The following SH3TC1 variants were observed in gnomAD, a reference collection of about 807,000 sequenced individuals.
The protein encoded by SH3TC1 is SH3 domain and tetratricopeptide repeats 1.
A neutral mutation model predicts 117.3 loss-of-function variants in SH3TC1; 135 were observed. That is an observed-to-expected ratio of 1.15 (90% CI 1.00 to 1.33). The LOEUF (loss-of-function observed/expected upper bound fraction) is 1.33, where lower values mean the gene tolerates loss of function less well. SH3TC1 is among the 40% of genes most tolerant of loss of function. The probability of loss-of-function intolerance (pLI) is 0.00; values close to 1 mark genes in which losing one functional copy is unlikely to be tolerated. For missense variants in SH3TC1, 2,092 were observed against 1,794.3 expected (o/e 1.17, Z -3.00); for synonymous variants, 898 against 816.9 (o/e 1.10, Z -1.69).
Position 8,209,422 on chromosome 4 carries a change from G to C in SH3TC1, c.173-326G>C, listed in dbSNP as rs1344148508. Among the ~76,000 whole-genome samples the C allele has an allele frequency of 1.3e-5, 2 of 152,188 alleles. No homozygotes were observed. The highest frequency in any genetic ancestry group is 2.9e-5 in the Non-Finnish European group (2 of 68,026). On this transcript the variant is annotated intron_variant, in intron 2 of 17. Transcript: ENST00000245105. This position sits in a 1 kb window ranked among gnomAD's most constrained non-coding sequence, Gnocchi z 5.9. ...AGGCGAGGAGTGGATTCTCCCCAGA[G>C]CCCCTGGGAGGAACAGGGCCCTGTC...
rs1382436888 is a variant in SH3TC1 at position 8,192,974 on chromosome 4, G to A, written c.-57+10764G>A. 1.3e-5 allele frequency among the ~76,000 whole-genome samples: 2 copies of A among 152,224 alleles called. No individual in the cohort carries two copies. Among genetic ancestry groups the A allele is most frequent in the Non-Finnish European group, 2.9e-5 (2 of 68,040 alleles). On this transcript the variant is annotated intron_variant, in intron 1 of 16. Coordinates refer to the SH3TC1 transcript ENST00000508641. The surrounding 1 kb of genome is among the most constrained non-coding windows in gnomAD (Gnocchi z 4.1). ...TGTTTCACAGCACAAGACAGCCTCA[G>A]CTCTGTGGTCCACAAACCACATGAC...
Position 8,227,808 on chromosome 4 carries a change from G to A in SH3TC1, c.2114G>A (p.Trp705Ter), listed in dbSNP as rs1204498720. 3 of 1,612,788 alleles carry A rather than the reference G, an allele frequency of 1.9e-6. No homozygotes were observed. Among genetic ancestry groups the A allele is most frequent in the East Asian group, 2.2e-5 (1 of 44,882 alleles). Reference protein sequence around the residue: ...HRDSGAPEAAWLSDCYLLLAD... With the variant: ...HRDSGAPEAA ...GACTCGGGAGCCCCAGAGGCCGCGT[G>A]GCTCTCAGACTGCTACCTACTCCTG... The change falls in exon 12 of 18, where the codon TGG becomes TAG. Residue 705 changes from tryptophan (W) to a stop codon, truncating the protein, a stop_gained. Coordinates refer to ENST00000245105, the MANE Select transcript of SH3TC1 (RefSeq NM_018986.5). LOFTEE classifies it high-confidence loss of function.
At position 8,206,800 on chromosome 4, in the gene SH3TC1, G is replaced by A. The variant is rs1338852804; in HGVS notation, c.172+1434G>A. 6.6e-6 allele frequency among the ~76,000 whole-genome samples: 1 copy of A among 151,532 alleles called. No individual in the cohort carries two copies. The highest frequency in any genetic ancestry group is 1.5e-5 in the Non-Finnish European group (1 of 67,938). On this transcript the variant is annotated intron_variant, in intron 2 of 17. Coordinates refer to ENST00000245105, the MANE Select transcript of SH3TC1 (RefSeq NM_018986.5). The surrounding 1 kb of genome is among the most constrained non-coding windows in gnomAD (Gnocchi z 5.5). ...CCATACCCAGGTTCCCTGAATGTTC[G>A]CATTTTAGGACTTTTACTTTGTGTG... is the stretch of plus-strand genomic sequence containing the variant.
intron 10 of SH3TC1, among the ~76,000 whole-genome samples, chr4:8,223,338 G>T (rs1006661116): frequency 6.6e-6 from 1 of 152,250 alleles, no homozygotes; most frequent in African/African-American, 2.4e-5. Context: ...ACTGCACTTT[G>T]CCTGGGTGAG....
intron 3 of SH3TC1, 73 bp from the exon 4 acceptor site, chr4:8,212,627 AG>A (rs1718846891): frequency 6.3e-7 from 1 of 1,597,444 alleles, no homozygotes; most frequent in South Asian, 1.1e-5. Context: ...GGAGGCTGGC[AG>A]GTGGAGTACA....
intron 10 of SH3TC1, among the ~76,000 whole-genome samples, chr4:8,224,216 T>C (rs1225383287): frequency 6.6e-6 from 1 of 152,200 alleles, no homozygotes; most frequent in African/African-American, 2.4e-5. Context: ...AACAGATACA[T>C]TTCCACACAC....
In SH3TC1 at chr4:8,233,729, ATTCACCTGT is replaced by A. The variant is rs1437549881; in HGVS notation, c.3282+218_3282+226del. 6.8e-5 allele frequency among the ~76,000 whole-genome samples: 10 copies of A among 146,106 alleles called. No individual in the cohort carries two copies. The East Asian group carries it at 1.6e-3, about 24-fold the overall frequency. ...CCATCCATCCTTCCATTATCCATCC[ATTCACCTGT>A]TCATCCATCCATCCATCCATCATCC... On this transcript the variant is annotated intron_variant, in intron 14 of 17. Coordinates refer to ENST00000245105, the MANE Select transcript of SH3TC1 (RefSeq NM_018986.5).
rs761571031 is a variant in SH3TC1, at chr4:8,228,561, G to A, written c.2867G>A (p.Cys956Tyr). Residue 956 changes from cysteine to tyrosine, a missense_variant, in exon 12 of 18, where the codon TGC (cysteine) becomes TAC (tyrosine). By Grantham distance (194) the Cys-to-Tyr change is radical. Transcript: ENST00000245105. ...GTGCTCCTGCAGCTGGGCCATCTCT[G>A]CACCCGCCAGGGCCCGGCCCAGCAG... ...THVLLQLGHL[C>Y]TRQGPAQQGK... 6.2e-7 allele frequency: 1 copy of A among 1,603,518 alleles called. No individual in the cohort carries two copies. Among genetic ancestry groups the A allele is most frequent in the Non-Finnish European group, 8.5e-7 (1 of 1,175,768 alleles).
intron 15 of SH3TC1, 157 bp downstream of exon 15, chr4:8,235,712 G>C: frequency 2.8e-6 from 3 of 1,073,280 alleles, no homozygotes; most frequent in Non-Finnish European, 2.6e-6. Context: ...GATATTGACT[G>C]TGCCCCCCGC....
chr4:8,228,450 G>T lies in SH3TC1; in HGVS notation c.2756G>T (p.Ser919Ile). Residue 919 changes from serine (S) to isoleucine (I), a missense_variant, in exon 12 of 18, where the codon AGC (serine) becomes ATC (isoleucine). Coordinates refer to ENST00000245105, the MANE Select transcript of SH3TC1 (RefSeq NM_018986.5). ...FGALCLHAGA[S>I]RLAQHYLLEA... Reference sequence around the variant, plus strand: ...GCCCTGTGCCTGCATGCGGGTGCCAGCAGGCTGGCCCAGCACTACCTCCTG... The same window carrying T: ...GCCCTGTGCCTGCATGCGGGTGCCATCAGGCTGGCCCAGCACTACCTCCTG... 6.2e-7 allele frequency: 1 copy of T among 1,604,854 alleles called. No homozygotes were observed. The highest frequency in any genetic ancestry group is 8.5e-7 in the Non-Finnish European group (1 of 1,175,674).
rs533952104 is a variant in SH3TC1, at chr4:8,210,491, G to T, written c.247+669G>T. Reference sequence around the variant, plus strand: ...CGTTATTTAGAATTTGAAAATGCAGGCTGGGCGCGGTGGCTCACGCCTGTA... The same window carrying T: ...CGTTATTTAGAATTTGAAAATGCAGTCTGGGCGCGGTGGCTCACGCCTGTA... On this transcript the variant is annotated intron_variant, in intron 3 of 17. Coordinates refer to ENST00000245105, the MANE Select transcript of SH3TC1 (RefSeq NM_018986.5). The surrounding 1 kb of genome is among the most constrained non-coding windows in gnomAD (Gnocchi z 4.1). Among the ~76,000 whole-genome samples, 2 of 152,212 alleles carry T rather than the reference G, an allele frequency of 1.3e-5. No individual in the cohort carries two copies. Among genetic ancestry groups the T allele is most frequent in the Admixed American group, 1.3e-4 (2 of 15,286 alleles).
chr4:8,228,010 G>T lies in SH3TC1; in HGVS notation c.2316G>T (p.Ala772=), dbSNP rs372151369. The T allele has an allele frequency of 1.9e-5, 30 of 1,611,696 alleles. No individual in the cohort carries two copies. The highest frequency in any genetic ancestry group is 2.5e-5 in the Non-Finnish European group (30 of 1,179,348). Residue 772 remains alanine, a synonymous_variant, in exon 12 of 18, where the codon GCG becomes GCT. Transcript: ENST00000245105. ...AAACTTCCCACTACCTCAGGCAAGC[G>T]CTGGCCTCCCTGACCCCGGGCACAG... ...PAQTSHYLRQ[A]LASLTPGTGQ...
At chr4:8,188,348 G>A (rs1018714710) in intron 1 of SH3TC1, among the ~76,000 whole-genome samples, 6 of 152,218 alleles carry the variant, frequency 3.9e-5, no homozygotes, top group Non-Finnish European at 1.5e-5. Context: ...CCAGCATCGG[G>A]CAGGCAGGTT....
At chr4:8,215,374 C>T (rs999028096) in intron 5 of SH3TC1, 5 of 405,336 alleles carry the variant, frequency 1.2e-5, no homozygotes, top group African/African-American at 1.0e-4. Context: ...ATTGTAGCCA[C>T]AATTCCCCAA....
In SH3TC1 at chr4:8,210,042, T is replaced by C. The variant is rs1030213029; in HGVS notation, c.247+220T>C. ...CCTGGGGCTCCCCTAGGCATCCCTG[T>C]GTGCACCTGCACAAACGGCAGACAC... is the stretch of plus-strand genomic sequence containing the variant. On this transcript the variant is annotated intron_variant, in intron 3 of 17. Coordinates refer to ENST00000245105, the MANE Select transcript of SH3TC1 (RefSeq NM_018986.5). The surrounding 1 kb of genome is among the most constrained non-coding windows in gnomAD (Gnocchi z 4.1). Among the ~76,000 whole-genome samples the C allele has an allele frequency of 6.6e-6, 1 of 152,202 alleles. No homozygotes were observed. The highest frequency in any genetic ancestry group is 1.5e-5 in the Non-Finnish European group (1 of 68,032).
In SH3TC1 at chr4:8,233,465, G is replaced by T. The variant is rs1432445164; in HGVS notation, c.3234G>T (p.Lys1078Asn). 2.5e-6 allele frequency: 4 copies of T among 1,613,920 alleles called. No homozygotes were observed. Among genetic ancestry groups the T allele is most frequent in the South Asian group, 1.1e-5 (1 of 91,026 alleles). Residue 1078 changes from lysine (K) to asparagine (N), a missense_variant, in exon 14 of 18, where the codon AAG becomes AAT. Coordinates refer to ENST00000245105, the MANE Select transcript of SH3TC1 (RefSeq NM_018986.5). ...KEAHAWLQAG[K>N]IYYILRQSEL... is the part of the protein sequence containing the mutation. ...CGCATGCCTGGCTGCAAGCAGGGAAGATCTATTACATCTTGCGGCAGAGCG... is the reference window on the plus strand; with the variant it reads ...CGCATGCCTGGCTGCAAGCAGGGAATATCTATTACATCTTGCGGCAGAGCG...
intron 3 of SH3TC1, among the ~76,000 whole-genome samples, chr4:8,211,560 T>TC (rs762136720): frequency 7.6e-6 from 1 of 131,002 alleles, no homozygotes; most frequent in African/African-American, 2.9e-5. Flanking sequence ...CCCCACCTTC[T>TC]CCCTTGGGGC....
chr4:8,226,089 G>T (rs1204405921), intron 11 of SH3TC1, among the ~76,000 whole-genome samples: 1 of 152,182 alleles, frequency 6.6e-6, no homozygotes, highest in African/African-American at 2.4e-5. Context: ...AGATGAATAA[G>T]GAGACAGTTT....
chr4:8,207,522 C>G (rs1718310573), intron 2 of SH3TC1, among the ~76,000 whole-genome samples: 1 of 152,208 alleles, frequency 6.6e-6, no homozygotes, highest in Non-Finnish European at 1.5e-5. Flanking sequence ...GCGACAGAGG[C>G]TGCCAGGCAG....
Sources: gnomAD v4.1 joint callset for allele counts (sites outside exome capture counted in the v4.1 genomes callset) on GRCh38, gnomAD v4.1.1 for gene constraint, Gnocchi (gnomAD v3.1) non-coding constraint, MANE v1.5 for transcripts, NCBI Gene and HGNC (gene_info 2026-07-23, HGNC 2026-07-21) for gene names.